The following MICAL3 variants were observed in gnomAD, a reference collection of about 807,000 sequenced individuals.
The protein encoded by MICAL3 is microtubule associated monooxygenase, calponin and LIM domain containing 3, also known as [F-actin]-monooxygenase MICAL3.
MICAL3 carries 62 observed loss-of-function variants against 207.4 expected under a neutral mutation model. The ratio of observed to expected loss-of-function variants is 0.30; its 90% CI spans 0.24 to 0.37. MICAL3 has a LOEUF of 0.37. Among genes scored for constraint, MICAL3 ranks in the 10% least tolerant of loss-of-function variants. MICAL3 has a pLI of 1.00. For synonymous variants in MICAL3, 1,077 were observed against 1,069.3 expected (o/e 1.01, Z -0.14); for missense variants, 2,368 against 2,635.6 (o/e 0.90, Z 2.22).
chr22:17,834,079 C>G (rs1236694191), intron 20 of MICAL3, among the ~76,000 whole-genome samples: 1 of 152,194 alleles, frequency 6.6e-6, no homozygotes, highest in African/African-American at 2.4e-5. Flanking sequence ...CCGGAATTCG[C>G]CACTGGGGTC....
intron 1 of MICAL3, among the ~76,000 whole-genome samples, chr22:17,974,055 G>A (rs1569153086): frequency 6.6e-6 from 1 of 152,166 alleles, no homozygotes; most frequent in African/African-American, 2.4e-5. Context: ...ACTTCCCTCT[G>A]GGCCATGGTT....
At chr22:17,877,849 T>A (rs529485242) in intron 16 of MICAL3, among the ~76,000 whole-genome samples, 1 of 152,070 alleles carries the variant, frequency 6.6e-6, no homozygotes, top group East Asian at 1.9e-4. Context: ...TCCCTTCTTC[T>A]TTTTTTTGAG....
intron 1 of MICAL3, among the ~76,000 whole-genome samples, chr22:17,988,083 A>G (rs1289541331): frequency 6.6e-6 from 1 of 152,138 alleles, no homozygotes; most frequent in Admixed American, 6.5e-5. Flanking sequence ...CCAGGGAGAC[A>G]TGGGGACAGC....
At chr22:17,865,699 C>A (rs766866614) in intron 18 of MICAL3, among the ~76,000 whole-genome samples, 2 of 152,218 alleles carry the variant, frequency 1.3e-5, no homozygotes. Flanking sequence ...CTCCTGGGTC[C>A]GACTCAGGGG....
chr22:17,818,547 G>A lies in MICAL3; in HGVS notation c.4114C>T (p.Pro1372Ser). ...AGAAGGTGGAGTCCCTCATCCTGGG[G>A]GGACTTTTCAACGGAATAGGATTTG... The part of the protein sequence containing the change: ...SLKSYSVEKS[P>S]QDEGLHLLKP... The change falls in exon 26 of 32, where the codon CCC (proline) becomes TCC (serine). Residue 1372 changes from proline to serine, a missense_variant. This residue lies in a region of MICAL3 where 1,770 missense variants were observed against 1,863.2 expected (regional missense o/e 0.95). Coordinates refer to ENST00000441493, the MANE Select transcript of MICAL3 (RefSeq NM_015241.3). 3 of 1,613,596 alleles carry A rather than the reference G, an allele frequency of 1.9e-6. No individual in the cohort carries two copies. Among genetic ancestry groups the A allele is most frequent in the South Asian group, 1.1e-5 (1 of 91,086 alleles).
At chr22:17,988,294 G>A (rs1205963697) in intron 1 of MICAL3, among the ~76,000 whole-genome samples, 1 of 152,076 alleles carries the variant, frequency 6.6e-6, no homozygotes, top group Non-Finnish European at 1.5e-5. Context: ...AATGTATCTG[G>A]CATCAGGTCC....
intron 29 of MICAL3, among the ~76,000 whole-genome samples, chr22:17,799,228 C>CA (rs2061911219): frequency 6.6e-6 from 1 of 152,060 alleles, no homozygotes; most frequent in African/African-American, 2.4e-5. Flanking sequence ...ACTAAAAACA[C>CA]AAAATTAGCT....
intron 1 of MICAL3, among the ~76,000 whole-genome samples, chr22:17,947,000 T>C (rs536829086): frequency 6.6e-6 from 1 of 152,196 alleles, no homozygotes; most frequent in Non-Finnish European, 1.5e-5. Context: ...GAGTATGGAC[T>C]GAGGAATTTG....
intron 16 of MICAL3, chr22:17,875,635 G>T: frequency 1.5e-6 from 1 of 681,102 alleles, no homozygotes; most frequent in Non-Finnish European, 2.3e-6. Flanking sequence ...ACATAAGATG[G>T]TTGTAGAGCC....
chr22:17,978,012 A>G (rs944110385), intron 1 of MICAL3, among the ~76,000 whole-genome samples: 1 of 151,988 alleles, frequency 6.6e-6, no homozygotes, highest in African/African-American at 2.4e-5. Flanking sequence ...ACAAGAGTGA[A>G]ACTCTGTCTC....
chr22:17,872,326 T>C lies in MICAL3; in HGVS notation c.2242-303A>G, dbSNP rs572196880. On this transcript the variant is annotated intron_variant, in intron 16 of 31. Coordinates refer to ENST00000441493, the MANE Select transcript of MICAL3 (RefSeq NM_015241.3). ...TTCACACCAGACTTGAGTAATGCTA[T>C]GATACAGCCTGGCGACGCCGGGAAA... 5.9e-5 allele frequency among the ~76,000 whole-genome samples: 9 copies of C among 152,184 alleles called. No homozygotes were observed. In the East Asian group the frequency reaches 1.4e-3, roughly 23 times the overall value.
At chr22:17,831,831 C>G in intron 21 of MICAL3, 23 bp downstream of exon 21, 2 of 1,546,478 alleles carry the variant, frequency 1.3e-6, no homozygotes, top group Non-Finnish European at 1.7e-6. Flanking sequence ...GGGCAGAGTT[C>G]GGAGCAGAGA....
chr22:17,795,913 T>G, intron 29 of MICAL3, among the ~76,000 whole-genome samples: 1 of 147,004 alleles, frequency 6.8e-6, no homozygotes, highest in South Asian at 2.3e-4. Flanking sequence ...GGTGGGGGGT[T>G]TATAGTAAAT....
intron 1 of MICAL3, among the ~76,000 whole-genome samples, chr22:17,991,359 A>G (rs1921665703): frequency 6.6e-6 from 1 of 152,260 alleles, no homozygotes. Flanking sequence ...ATAGCAAGGT[A>G]AATTTTTAAA....
intron 1 of MICAL3, among the ~76,000 whole-genome samples, chr22:17,944,167 CTTTGGTTGA>C (rs1933943101): frequency 6.6e-6 from 1 of 152,192 alleles, no homozygotes; most frequent in African/African-American, 2.4e-5. Context: ...GAGAAAAAGA[CTTTGGTTGA>C]CATGGACATC....
chr22:18,023,111 C>T (rs570693240), intron 1 of MICAL3, among the ~76,000 whole-genome samples: 29 of 152,130 alleles, frequency 1.9e-4, no homozygotes, highest in Non-Finnish European at 3.2e-4. Context: ...TTACCAAGTT[C>T]ACCTGGAAAA....
intron 1 of MICAL3, among the ~76,000 whole-genome samples, chr22:18,003,188 A>C (rs1923158354): frequency 6.6e-6 from 1 of 151,728 alleles, no homozygotes; most frequent in African/African-American, 2.4e-5. Flanking sequence ...ACTTTAGTTG[A>C]AAGTCGATAG....
chr22:17,942,823 G>A (rs180786156), intron 1 of MICAL3, among the ~76,000 whole-genome samples: 2 of 152,358 alleles, frequency 1.3e-5, no homozygotes, highest in African/African-American at 4.8e-5. Flanking sequence ...GCTGCCCTAA[G>A]AGACTTGGGC....
rs920468472 is a variant in MICAL3 at position 17,973,453 on chromosome 22, G to A, written c.-75+50828C>T. Among the ~76,000 whole-genome samples, 5 of 152,274 alleles carry A rather than the reference G, an allele frequency of 3.3e-5. 1 individual carries two copies. The highest frequency in any genetic ancestry group is 1.9e-4 in the East Asian group (1 of 5,180). On this transcript the variant is annotated intron_variant, in intron 1 of 31. Transcript: ENST00000441493. ...GCTTGATCATCATGAGGCCCAGGAC[G>A]GAGCCACACATAGGTCATGATAGTG...
Sources: allele counts gnomAD v4.1 joint callset (sites outside exome capture counted in the v4.1 genomes callset), GRCh38; gene constraint gnomAD v4.1.1; regional missense constraint gnomAD v4.1.1; transcripts MANE v1.5; gene names NCBI Gene and HGNC (gene_info 2026-07-23, HGNC 2026-07-21).